BRINP2: variants seen among roughly 807,000 people sequenced by gnomAD.
BRINP2 encodes BMP/retinoic acid-inducible neural-specific protein 2.
A neutral mutation model predicts 69.2 loss-of-function variants in BRINP2; 21 were observed. The ratio of observed to expected loss-of-function variants is 0.30; its 90% CI spans 0.22 to 0.44. The LOEUF is 0.44. Among genes scored for constraint, BRINP2 ranks in the 20% least tolerant of loss-of-function variants. The pLI is 1.00. For missense variants in BRINP2, 877 were observed against 986.0 expected (o/e 0.89, Z 1.48); for synonymous variants, 380 against 394.1 (o/e 0.96, Z 0.42).
chr1:177,245,603 T>G (rs182624766), intron 2 of BRINP2, among the ~76,000 whole-genome samples: 1 of 152,190 alleles, frequency 6.6e-6, no homozygotes. Flanking sequence ...AGAGCTATGC[T>G]GTCCACAGTT....
rs78939019 is a variant in BRINP2 at position 177,200,380 on chromosome 1, C to T, written c.-77+28648C>T. 3.2e-4 allele frequency among the ~76,000 whole-genome samples: 48 copies of T among 149,312 alleles called. No individual in the cohort carries two copies. The East Asian group carries it at 8.9e-3, about 28-fold the overall frequency. ...AGAGCAACATAGCAGCCACAGTGAA[C>T]CTTCTACAGCACAATGTCACACTCA... On this transcript the variant is annotated intron_variant, in intron 1 of 7. Coordinates refer to ENST00000361539, the MANE Select transcript of BRINP2 (RefSeq NM_021165.4).
intron 2 of BRINP2, among the ~76,000 whole-genome samples, chr1:177,252,432 A>G (rs1277737571): frequency 6.6e-6 from 1 of 152,048 alleles, no homozygotes; most frequent in African/African-American, 2.4e-5. Context: ...TATAATTTTA[A>G]TTTTAAAAAT....
rs900208398 is a variant in BRINP2 at position 177,234,133 on chromosome 1, C to T, written c.269+3988C>T. On this transcript the variant is annotated intron_variant, in intron 2 of 7. Transcript: ENST00000361539. The stretch of plus-strand genomic sequence containing the variant: ...GTCCTGTTTCCAGTTCCATGTGTGA[C>T]TTCCGGGCTCCCCATACCTTGCTCC... Among the ~76,000 whole-genome samples the T allele has an allele frequency of 3.9e-5, 6 of 152,314 alleles. No individual in the cohort carries two copies. The South Asian group carries it at 1.2e-3, about 32-fold the overall frequency.
At chr1:177,181,391 G>C (rs1454597802) in intron 1 of BRINP2, among the ~76,000 whole-genome samples, 1 of 152,202 alleles carries the variant, frequency 6.6e-6, no homozygotes, top group South Asian at 2.1e-4. Flanking sequence ...AGAACATCAG[G>C]CCCAGCGGCA....
chr1:177,227,926 T>G (rs1198325683), intron 1 of BRINP2, among the ~76,000 whole-genome samples: 2 of 152,214 alleles, frequency 1.3e-5, no homozygotes, highest in Admixed American at 6.5e-5. Context: ...GGGCAGGAGC[T>G]GCCTCATTAT....
chr1:177,248,062 C>T lies in BRINP2; in HGVS notation c.270-7857C>T, dbSNP rs143201182. ...GAAATGGGCCGGAACATGCTTCCCC[C>T]GCAGAGGTAGAAAGATGAAAGATCT... On this transcript the variant is annotated intron_variant, in intron 2 of 7. Transcript: ENST00000361539. 3.7e-4 allele frequency among the ~76,000 whole-genome samples: 57 copies of T among 152,192 alleles called. No homozygotes were observed. The East Asian group carries it at 8.7e-3, about 23-fold the overall frequency.
chr1:177,213,129 A>G (rs2102312297), intron 1 of BRINP2, among the ~76,000 whole-genome samples: 1 of 152,350 alleles, frequency 6.6e-6, no homozygotes, highest in Middle Eastern at 3.4e-3. Flanking sequence ...TTGGCAAACT[A>G]GACAAAATGA....
chr1:177,247,482 T>C (rs1650421940), intron 2 of BRINP2, among the ~76,000 whole-genome samples: 1 of 152,242 alleles, frequency 6.6e-6, no homozygotes, highest in African/African-American at 2.4e-5. Context: ...GGCCAGTCTC[T>C]TTTGCTCCAG....
chr1:177,267,070 A>C (rs955111885), intron 4 of BRINP2, among the ~76,000 whole-genome samples: 3 of 152,150 alleles, frequency 2.0e-5, no homozygotes, highest in Admixed American at 2.0e-4. Flanking sequence ...TGGACATGGC[A>C]TTTTCCACAT....
chr1:177,206,375 C>T (rs2102307436), intron 1 of BRINP2, among the ~76,000 whole-genome samples: 1 of 152,250 alleles, frequency 6.6e-6, no homozygotes, highest in South Asian at 2.1e-4. Context: ...ACATTTGTTA[C>T]ATAGTAATAG....
At chr1:177,182,681 A>G (rs1648296370) in intron 1 of BRINP2, among the ~76,000 whole-genome samples, 1 of 152,196 alleles carries the variant, frequency 6.6e-6, no homozygotes, top group South Asian at 2.1e-4. Flanking sequence ...GTATGTGACG[A>G]CATGGTCATT....
At chr1:177,214,431 T>C (rs186422595) in intron 1 of BRINP2, among the ~76,000 whole-genome samples, 9 of 152,064 alleles carry the variant, frequency 5.9e-5, no homozygotes, top group African/African-American at 1.9e-4. Context: ...AAATTCCATC[T>C]TGGAAAAAAA....
At chr1:177,193,074 T>C (rs1648639013) in intron 1 of BRINP2, among the ~76,000 whole-genome samples, 1 of 152,186 alleles carries the variant, frequency 6.6e-6, no homozygotes, top group African/African-American at 2.4e-5. Flanking sequence ...CCCACCTGGG[T>C]TGTGAAGCGT....
intron 4 of BRINP2, among the ~76,000 whole-genome samples, chr1:177,270,085 G>GGGC (rs1558184695): frequency 7.2e-6 from 1 of 139,112 alleles, no homozygotes; most frequent in African/African-American, 2.6e-5. Context: ...CAAGGGGTGG[G>GGGC]GGGGGTGGTT....
intron 4 of BRINP2, among the ~76,000 whole-genome samples, chr1:177,260,594 C>G (rs530588160): frequency 2.0e-5 from 3 of 152,190 alleles, no homozygotes; most frequent in African/African-American, 7.2e-5. Flanking sequence ...AAGGAATTGC[C>G]ACAGCCACCC....
intron 3 of BRINP2, chr1:177,256,398 G>GAGTC (rs1218734698): frequency 1.0e-6 from 1 of 985,310 alleles, no homozygotes; most frequent in African/African-American, 1.7e-5. Flanking sequence ...TCGCTCCGCT[G>GAGTC]AGTCACCCAA....
rs77449022 is a variant in BRINP2 at position 177,218,935 on chromosome 1, G to A, written c.-76-10866G>A. On this transcript the variant is annotated intron_variant, in intron 1 of 7. Transcript: ENST00000361539. ...CATCTTGCTGATGTCACTTCAACTT[G>A]CCATTATCTATTCTATTCTTGCCAC... 1.1e-4 allele frequency among the ~76,000 whole-genome samples: 17 copies of A among 152,244 alleles called. No individual in the cohort carries two copies. The East Asian group carries it at 2.9e-3, about 26-fold the overall frequency.
At chr1:177,212,730 C>A (rs1176033702) in intron 1 of BRINP2, among the ~76,000 whole-genome samples, 1 of 152,132 alleles carries the variant, frequency 6.6e-6, no homozygotes, top group East Asian at 1.9e-4. Context: ...TTTCCCCCAG[C>A]TCTGGGTGTT....
chr1:177,206,001 C>G (rs1649061148), intron 1 of BRINP2, among the ~76,000 whole-genome samples: 1 of 152,232 alleles, frequency 6.6e-6, no homozygotes, highest in Non-Finnish European at 1.5e-5. Flanking sequence ...ATAACAGCTT[C>G]TGCATTGCTA....
Sources: gnomAD v4.1 joint callset for allele counts (sites outside exome capture counted in the v4.1 genomes callset) on GRCh38, gnomAD v4.1.1 for gene constraint, MANE v1.5 for transcripts, NCBI Gene and HGNC (gene_info 2026-07-23, HGNC 2026-07-21) for gene names.